EIF4G3: variants seen among roughly 807,000 people sequenced by gnomAD.
EIF4G3 encodes eukaryotic translation initiation factor 4 gamma 3.
Under a neutral mutation model 186.4 loss-of-function variants are expected in EIF4G3, and 34 were observed. That is an observed-to-expected ratio of 0.18 (90% CI 0.14 to 0.24). EIF4G3 has a LOEUF of 0.24. Among genes scored for constraint, EIF4G3 ranks in the 10% least tolerant of loss-of-function variants. EIF4G3 has a pLI of 1.00. For synonymous variants in EIF4G3, 673 were observed against 679.5 expected (o/e 0.99, Z 0.15); for missense variants, 1,536 against 1,948.5 (o/e 0.79, Z 3.99).
intron 2 of EIF4G3, among the ~76,000 whole-genome samples, chr1:21,126,920 T>G (rs547842715): frequency 6.6e-6 from 1 of 152,198 alleles, no homozygotes; most frequent in Non-Finnish European, 1.5e-5. Context: ...ATTTATACAA[T>G]GTAAATGTTG....
chr1:21,140,470 T>C (rs2097318644), intron 2 of EIF4G3, among the ~76,000 whole-genome samples: 1 of 152,174 alleles, frequency 6.6e-6, no homozygotes, highest in Non-Finnish European at 1.5e-5. Context: ...TGCACCACCA[T>C]GCATGGCTAA....
chr1:21,119,295 T>C (rs1406817366), intron 2 of EIF4G3, among the ~76,000 whole-genome samples: 5 of 151,846 alleles, frequency 3.3e-5, no homozygotes, highest in Admixed American at 6.6e-5. Flanking sequence ...GATAATCTTA[T>C]GAAATGAATG....
chr1:21,120,569 C>T (rs1266954056), intron 2 of EIF4G3, among the ~76,000 whole-genome samples: 3 of 145,022 alleles, frequency 2.1e-5, no homozygotes, highest in East Asian at 2.0e-4. Context: ...GAGGCTGCAG[C>T]GAGCCGAGAT....
At chr1:20,991,295 C>A (rs2081040155) in intron 7 of EIF4G3, among the ~76,000 whole-genome samples, 1 of 152,186 alleles carries the variant, frequency 6.6e-6, no homozygotes, top group South Asian at 2.1e-4. Flanking sequence ...GGGTCAAGCA[C>A]AGTGGCTCAC....
chr1:21,017,563 G>A (rs1395930960), intron 4 of EIF4G3, among the ~76,000 whole-genome samples: 1 of 144,436 alleles, frequency 6.9e-6, no homozygotes, highest in Non-Finnish European at 1.5e-5. Context: ...AGGAGGTGGA[G>A]CTTGCAGTGA....
intron 13 of EIF4G3, among the ~76,000 whole-genome samples, chr1:20,949,378 C>T (rs2096106549): frequency 6.6e-6 from 1 of 152,184 alleles, no homozygotes; most frequent in South Asian, 2.1e-4. Context: ...TTCCTTAATA[C>T]AGCATTAATG....
chr1:21,140,188 TA>T (rs2097313327), intron 2 of EIF4G3, among the ~76,000 whole-genome samples: 1 of 152,138 alleles, frequency 6.6e-6, no homozygotes, highest in Non-Finnish European at 1.5e-5. Context: ...ACCAACACAA[TA>T]ACAAAATCAT....
chr1:20,999,182 C>G (rs1431998453), intron 6 of EIF4G3, among the ~76,000 whole-genome samples: 1 of 152,152 alleles, frequency 6.6e-6, no homozygotes, highest in Non-Finnish European at 1.5e-5. Context: ...GCATTAATGA[C>G]CTACAAGCTT....
intron 4 of EIF4G3, among the ~76,000 whole-genome samples, chr1:21,029,548 T>C (rs2092542684): frequency 6.6e-6 from 1 of 151,690 alleles, no homozygotes; most frequent in Admixed American, 6.6e-5. Flanking sequence ...GGCAGAAGGA[T>C]CACTTGAAGC....
At chr1:20,818,677 TA>T (rs1300509316) in intron 33 of EIF4G3, among the ~76,000 whole-genome samples, 8 of 152,162 alleles carry the variant, frequency 5.3e-5, no homozygotes, top group Non-Finnish European at 1.5e-5. Context: ...AAATTATTCA[TA>T]ATTTTCAAAG....
chr1:21,125,765 T>TACACACAC (rs1212580615), intron 2 of EIF4G3, among the ~76,000 whole-genome samples: 12 of 122,716 alleles, frequency 9.8e-5, no homozygotes, highest in African/African-American at 3.9e-4. Flanking sequence ...TTTTTTTATA[T>TACACACAC]ATATATACAC....
intron 4 of EIF4G3, among the ~76,000 whole-genome samples, chr1:21,031,592 G>A (rs1325863039): frequency 6.6e-6 from 1 of 152,122 alleles, no homozygotes; most frequent in Non-Finnish European, 1.5e-5. Flanking sequence ...AGAGTAAGGA[G>A]ATGGAGGAAG....
chr1:21,156,087 A>G (rs1417267752), intron 2 of EIF4G3, among the ~76,000 whole-genome samples: 1 of 149,910 alleles, frequency 6.7e-6, no homozygotes, highest in Non-Finnish European at 1.5e-5. Flanking sequence ...AGATGGCGCC[A>G]TTGCACTCCA....
intron 24 of EIF4G3, 114 bp downstream of exon 24, chr1:20,860,271 A>C: frequency 1.4e-6 from 2 of 1,412,532 alleles, no homozygotes; most frequent in South Asian, 2.7e-5. Flanking sequence ...AACAATCACC[A>C]CTCTATTCTT....
intron 2 of EIF4G3, among the ~76,000 whole-genome samples, chr1:21,171,439 TAC>T (rs2097966318): frequency 6.6e-6 from 1 of 152,090 alleles, no homozygotes; most frequent in East Asian, 1.9e-4. Flanking sequence ...CAACTAACTA[TAC>T]AGTCTTCACC....
chr1:20,997,716 A>G (rs2082597129), intron 6 of EIF4G3, 83 bp from the exon 7 acceptor site: 6 of 1,125,566 alleles, frequency 5.3e-6, no homozygotes, highest in Non-Finnish European at 7.4e-6. Flanking sequence ...ATTTCACACA[A>G]TATGCCAAAA....
chr1:21,069,871 T>C (rs1354547964), intron 3 of EIF4G3, among the ~76,000 whole-genome samples: 1 of 152,148 alleles, frequency 6.6e-6, no homozygotes, highest in Non-Finnish European at 1.5e-5. Context: ...GAGCTAATCA[T>C]GGGTAAGAAT....
chr1:21,142,919 T>C (rs545966537), intron 2 of EIF4G3, among the ~76,000 whole-genome samples: 1 of 152,268 alleles, frequency 6.6e-6, no homozygotes, highest in African/African-American at 2.4e-5. Flanking sequence ...TATCTATTAC[T>C]GAAACATAAA....
intron 3 of EIF4G3, 37 bp from the exon 4 acceptor site, chr1:21,051,031 T>G (rs772405477): frequency 2.9e-5 from 21 of 714,802 alleles, no homozygotes; most frequent in African/African-American, 5.3e-5. Flanking sequence ...AACATTATAT[T>G]AGTAAATCAA....
Sources: allele counts gnomAD v4.1 joint callset (sites outside exome capture counted in the v4.1 genomes callset), GRCh38; gene constraint gnomAD v4.1.1; transcripts MANE v1.5; gene names NCBI Gene and HGNC (gene_info 2026-07-23, HGNC 2026-07-21).